RBMS3: variants seen among roughly 807,000 people sequenced by gnomAD.
RBMS3 encodes RNA-binding motif, single-stranded-interacting protein 3.
Under a neutral mutation model 66.8 loss-of-function variants are expected in RBMS3, and 27 were observed. The ratio of observed to expected loss-of-function variants is 0.40; its 90% confidence interval spans 0.30 to 0.56. The LOEUF is 0.56. Among genes scored for constraint, RBMS3 ranks in the 20% least tolerant of loss-of-function variants. The pLI is 0.40. For synonymous variants in RBMS3, 188 were observed against 183.0 expected, an observed-to-expected ratio of 1.03 and a Z score of -0.22; for missense variants, 513 against 549.5, an observed-to-expected ratio of 0.93 and a Z score of 0.66.
intron 3 of RBMS3, among the ~76,000 whole-genome samples, chr3:29,510,864 A>G (rs556300791): frequency 1.3e-5 from 2 of 152,296 alleles, no homozygotes. Context: ...TAAAATTACA[A>G]GTTATTGTGT....
chr3:29,549,613 T>C (rs1446899624), intron 3 of RBMS3, among the ~76,000 whole-genome samples: 2 of 152,026 alleles, frequency 1.3e-5, no homozygotes, highest in Admixed American at 6.6e-5. Flanking sequence ...TTGGTCAGGC[T>C]GGTCTCGAAC....
At chr3:29,717,719 T>A (rs1439512247) in intron 4 of RBMS3, among the ~76,000 whole-genome samples, 1 of 152,052 alleles carries the variant, frequency 6.6e-6, no homozygotes, top group Non-Finnish European at 1.5e-5. Context: ...CTTACTTACC[T>A]CGTAAGTAGT....
intron 4 of RBMS3, among the ~76,000 whole-genome samples, chr3:29,697,395 C>T (rs73831643): frequency 0.051 from 7,707 of 152,206 alleles, 679 homozygotes; most frequent in African/African-American, 0.18. Context: ...CTCTCTGAAA[C>T]GTTGGGGGAA....
At chr3:29,630,186 T>G (rs370820142) in intron 4 of RBMS3, among the ~76,000 whole-genome samples, 1 of 152,046 alleles carries the variant, frequency 6.6e-6, no homozygotes, top group African/African-American at 2.4e-5. Flanking sequence ...AGAAATAGGT[T>G]AATAGTCCCT....
chr3:29,616,151 T>C (rs983036001), intron 4 of RBMS3: 1 of 152,178 alleles, frequency 6.6e-6, no homozygotes, highest in Non-Finnish European at 1.5e-5. Context: ...AGGCTAACTT[T>C]ATTGAAGTCT....
intron 1 of RBMS3, among the ~76,000 whole-genome samples, chr3:29,321,579 G>A (rs935148094): frequency 3.3e-5 from 5 of 152,082 alleles, no homozygotes; most frequent in Non-Finnish European, 5.9e-5. Flanking sequence ...ATGTACATAC[G>A]TAGTTTTTCC....
intron 4 of RBMS3, 33 bp downstream of exon 4, chr3:29,587,238 TTTTTTTTTTTTG>T (rs1228009054): frequency 2.4e-6 from 2 of 818,878 alleles, no homozygotes; most frequent in African/African-American, 5.0e-5. Flanking sequence ...TTTTTTTTTT[TTTTTTTTTTTTG>T]TGTGTGTGTG....
intron 6 of RBMS3, among the ~76,000 whole-genome samples, chr3:29,784,915 T>G (rs2056768665): frequency 6.6e-6 from 1 of 151,986 alleles, no homozygotes; most frequent in African/African-American, 2.4e-5. Context: ...TTTACATGCA[T>G]AAACTGGAAA....
chr3:29,495,969 A>C (rs556825573), intron 3 of RBMS3, among the ~76,000 whole-genome samples: 2 of 152,264 alleles, frequency 1.3e-5, no homozygotes, highest in East Asian at 3.9e-4. Context: ...AACCAACACC[A>C]TGGAAAGCCT....
chr3:29,596,829 A>G (rs1404493183), intron 4 of RBMS3, among the ~76,000 whole-genome samples: 2 of 152,184 alleles, frequency 1.3e-5, no homozygotes, highest in Non-Finnish European at 2.9e-5. Context: ...TGTGGAATTA[A>G]TGAATATGGG....
At chr3:29,752,826 T>A (rs1396126974) in intron 5 of RBMS3, among the ~76,000 whole-genome samples, 1 of 152,104 alleles carries the variant, frequency 6.6e-6, no homozygotes, top group African/African-American at 2.4e-5. Flanking sequence ...AGAACTTAGA[T>A]CTAAACACCT....
chr3:29,852,242 A>G (rs1376640324), intron 6 of RBMS3, among the ~76,000 whole-genome samples: 3 of 152,216 alleles, frequency 2.0e-5, no homozygotes, highest in Non-Finnish European at 4.4e-5. Context: ...CATTGTGGAA[A>G]TAGGAATGGG....
chr3:29,918,635 G>A (rs1036140970), intron 10 of RBMS3, among the ~76,000 whole-genome samples: 2 of 151,990 alleles, frequency 1.3e-5, no homozygotes, highest in African/African-American at 4.8e-5. Context: ...CGCTATTTCA[G>A]GTTATCAGAT....
chr3:29,888,808 AC>A (rs1333295206), intron 8 of RBMS3, among the ~76,000 whole-genome samples: 33 of 151,668 alleles, frequency 2.2e-4, no homozygotes, highest in Non-Finnish European at 8.9e-5. Flanking sequence ...TTCTTATCCT[AC>A]ATTCTTCACA....
chr3:29,743,308 T>A (rs73831009), intron 5 of RBMS3, among the ~76,000 whole-genome samples: 3,929 of 152,292 alleles, frequency 0.026, 157 homozygotes, highest in African/African-American at 0.089. Context: ...TCATCTGAAA[T>A]TTTCCCTCTG....
intron 2 of RBMS3, among the ~76,000 whole-genome samples, chr3:29,473,817 C>A (rs989074506): frequency 6.6e-6 from 1 of 152,250 alleles, no homozygotes; most frequent in Non-Finnish European, 1.5e-5. Flanking sequence ...ACCAAGCCCA[C>A]GCCCACCTGG....
intron 14 of RBMS3, among the ~76,000 whole-genome samples, chr3:29,992,173 G>GTTA: frequency 6.6e-6 from 1 of 152,072 alleles, no homozygotes; most frequent in Non-Finnish European, 1.5e-5. Flanking sequence ...GTGCTGCTCC[G>GTTA]TTATTTAAAA....
At chr3:29,282,963 G>A (rs930627402) in intron 1 of RBMS3, among the ~76,000 whole-genome samples, 1 of 151,996 alleles carries the variant, frequency 6.6e-6, no homozygotes, top group Non-Finnish European at 1.5e-5. Context: ...AATCCACCCT[G>A]CCCCTCCAAG....
Position 29,830,289 on chromosome 3 carries a change from AG to A in RBMS3, c.638-38568del, listed in dbSNP as rs1475371639. Among the ~76,000 whole-genome samples, 10 of 152,322 alleles carry A rather than the reference AG, an allele frequency of 6.6e-5. No homozygotes were observed. In the East Asian group the frequency reaches 1.9e-3, roughly 29 times the overall value. On this transcript the variant is annotated intron_variant, in intron 6 of 14. Coordinates refer to ENST00000383767, the MANE Select transcript of RBMS3 (RefSeq NM_001003793.3). ...AACATATCGGTGATCATAAAAATAA[AG>A]TCAAGGTTTAATTCAAAACAGAACA...
Sources: gnomAD v4.1 joint callset for allele counts (sites outside exome capture counted in the v4.1 genomes callset) on GRCh38, gnomAD v4.1.1 for gene constraint, MANE v1.5 for transcripts, NCBI Gene and HGNC (gene_info 2026-07-23, HGNC 2026-07-21) for gene names.